The following RAB6A variants were observed in gnomAD, a reference collection of about 807,000 sequenced individuals.
The protein encoded by RAB6A is RAB6A, member RAS oncogene family.
In RAB6A, 8 loss-of-function variants were observed where a neutral mutation model predicts 32.3. The ratio of observed to expected loss-of-function variants is 0.25; its 90% CI spans 0.15 to 0.45. The LOEUF (loss-of-function observed/expected upper bound fraction) is 0.45. Ranked by LOEUF, RAB6A falls within the 20% of genes least tolerant of loss-of-function variation. The pLI, the probability that RAB6A is intolerant of heterozygous loss-of-function variation, is 1.00. For missense variants in RAB6A, 104 were observed against 249.4 expected (o/e 0.42, Z 3.93); for synonymous variants, 73 against 82.1 (o/e 0.89, Z 0.60).
chr11:73,739,384 T>C (rs565250777), intron 1 of RAB6A, among the ~76,000 whole-genome samples: 2 of 144,880 alleles, frequency 1.4e-5, no homozygotes, highest in African/African-American at 2.5e-5. Flanking sequence ...ATTGCCCAGG[T>C]TGGTCTCGAA....
intron 1 of RAB6A, among the ~76,000 whole-genome samples, chr11:73,750,284 T>C (rs974803497): frequency 6.6e-6 from 1 of 152,154 alleles, no homozygotes; most frequent in Non-Finnish European, 1.5e-5. Flanking sequence ...GTGACTGCCT[T>C]ATTTCACTTA....
At chr11:73,755,222 C>G (rs1012421406) in intron 1 of RAB6A, among the ~76,000 whole-genome samples, 1 of 152,078 alleles carries the variant, frequency 6.6e-6, no homozygotes, top group Non-Finnish European at 1.5e-5. Context: ...TGAGCCACCA[C>G]GCTCGGCCCT....
chr11:73,690,004 G>A (rs902293809), intron 6 of RAB6A, among the ~76,000 whole-genome samples: 2 of 151,798 alleles, frequency 1.3e-5, no homozygotes, highest in Non-Finnish European at 2.9e-5. Flanking sequence ...TCAACACTCT[G>A]GAGGAGGGGA....
At chr11:73,693,669 G>C (rs528843853) in intron 6 of RAB6A, among the ~76,000 whole-genome samples, 33 of 151,258 alleles carry the variant, frequency 2.2e-4, no homozygotes, top group Non-Finnish European at 4.1e-4. Flanking sequence ...GAGATCACTT[G>C]AGCTCAGGGG....
intron 6 of RAB6A, among the ~76,000 whole-genome samples, chr11:73,695,373 T>C (rs1945639745): frequency 1.1e-5 from 1 of 90,990 alleles, no homozygotes; most frequent in South Asian, 2.8e-4. Flanking sequence ...AGTATCCAGT[T>C]TTTTTGTTTT....
At chr11:73,680,975 T>C (rs976815358) in intron 6 of RAB6A, among the ~76,000 whole-genome samples, 1 of 152,192 alleles carries the variant, frequency 6.6e-6, no homozygotes, top group South Asian at 2.1e-4. Flanking sequence ...TCTTATATTG[T>C]CCCAATCTTA....
At chr11:73,732,070 A>C (rs1227952255) in intron 1 of RAB6A, among the ~76,000 whole-genome samples, 1 of 151,884 alleles carries the variant, frequency 6.6e-6, no homozygotes, top group East Asian at 1.9e-4. Context: ...ATCCATATGA[A>C]AGTGTCATGA....
chr11:73,683,844 C>T (rs1354829549), intron 6 of RAB6A, among the ~76,000 whole-genome samples: 2 of 152,108 alleles, frequency 1.3e-5, no homozygotes, highest in African/African-American at 2.4e-5. Context: ...TGTGCCACTG[C>T]GACTGGACTG....
At chr11:73,712,670 T>G (rs1004124149) in intron 5 of RAB6A, among the ~76,000 whole-genome samples, 4 of 151,724 alleles carry the variant, frequency 2.6e-5, no homozygotes, top group Non-Finnish European at 5.9e-5. Context: ...TTTTCTACTC[T>G]GTTCTACTTT....
chr11:73,749,025 T>C (rs952232354), intron 1 of RAB6A, among the ~76,000 whole-genome samples: 1 of 152,038 alleles, frequency 6.6e-6, no homozygotes, highest in Non-Finnish European at 1.5e-5. Flanking sequence ...CTTGGGAGGC[T>C]GAGGCACGAG....
intron 1 of RAB6A, among the ~76,000 whole-genome samples, chr11:73,732,415 T>A (rs1946329554): frequency 1.3e-5 from 2 of 151,974 alleles, no homozygotes; most frequent in South Asian, 4.1e-4. Flanking sequence ...TGAAACTCCA[T>A]CTCTACTAAA....
chr11:73,704,749 C>T (rs1180071547), intron 6 of RAB6A, among the ~76,000 whole-genome samples: 1 of 151,584 alleles, frequency 6.6e-6, no homozygotes, highest in Non-Finnish European at 1.5e-5. Flanking sequence ...GTAATCCCAG[C>T]ACTTTGGGAG....
At chr11:73,699,054 T>C (rs1030320982) in intron 6 of RAB6A, among the ~76,000 whole-genome samples, 1 of 152,088 alleles carries the variant, frequency 6.6e-6, no homozygotes, top group African/African-American at 2.4e-5. Context: ...AGTTTCACCA[T>C]GTTGGTCAGG....
chr11:73,716,975 C>T (rs1006188777), intron 4 of RAB6A, among the ~76,000 whole-genome samples: 2 of 152,100 alleles, frequency 1.3e-5, no homozygotes, highest in Non-Finnish European at 1.5e-5. Context: ...AAGAAAACAA[C>T]GTACTAATAT....
At chr11:73,696,349 C>G (rs1945655651) in intron 6 of RAB6A, among the ~76,000 whole-genome samples, 1 of 152,050 alleles carries the variant, frequency 6.6e-6, no homozygotes, top group African/African-American at 2.4e-5. Flanking sequence ...AGGCACCCAC[C>G]ACCACATCAA....
At position 73,706,513 on chromosome 11, in the gene RAB6A, C is replaced by CA. The variant is rs11287642; in HGVS notation, c.495+906dup. On this transcript the variant is annotated intron_variant, in intron 6 of 7. Coordinates refer to ENST00000336083, the MANE Select transcript of RAB6A (RefSeq NM_198896.2). ...TGGGCGACAGAGCAAGACTCCATCT[C>CA]AAAAAAAAAAAAAAATTATTGGTCC... Among the ~76,000 whole-genome samples the CA allele has an allele frequency of 5.9e-3, 837 of 140,692 alleles. 4 individuals are homozygous for CA. The highest frequency in any genetic ancestry group is 0.02 in the African/African-American group (733 of 37,156). The allele number at this position is 140,692 out of a possible 152,430, so 92.3% of individuals were successfully genotyped here.
Position 73,705,909 on chromosome 11 carries a change from G to A in RAB6A, c.495+1511C>T, listed in dbSNP as rs554444891. 1.6e-4 allele frequency among the ~76,000 whole-genome samples: 25 copies of A among 152,148 alleles called. No individual in the cohort carries two copies. In the South Asian group the frequency reaches 1.9e-3, roughly 11 times the overall value. ...ACAGACAGGAGGTAGGATGGGAAAT[G>A]TCAGAGAAAATGTTGCTGAGGAGCT... On this transcript the variant is annotated intron_variant, in intron 6 of 7. Coordinates refer to ENST00000336083, the MANE Select transcript of RAB6A (RefSeq NM_198896.2).
chr11:73,714,680 A>T (rs915457785), intron 5 of RAB6A, among the ~76,000 whole-genome samples: 2 of 148,306 alleles, frequency 1.3e-5, no homozygotes, highest in Non-Finnish European at 3.0e-5. Context: ...ATAAATAAAT[A>T]AAATAAAGGT....
intron 6 of RAB6A, among the ~76,000 whole-genome samples, chr11:73,681,556 T>TA (rs1945356952): frequency 6.6e-6 from 1 of 152,242 alleles, no homozygotes; most frequent in South Asian, 2.1e-4. Flanking sequence ...CTCACGCCTG[T>TA]AATCTCAGCA....
Sources: gnomAD v4.1 joint callset for allele counts (sites outside exome capture counted in the v4.1 genomes callset) on GRCh38, gnomAD v4.1.1 for gene constraint, MANE v1.5 for transcripts, NCBI Gene and HGNC (gene_info 2026-07-23, HGNC 2026-07-21) for gene names.